Variants in FHIP2A observed in about 807,000 individuals in gnomAD.
FHIP2A encodes FHF complex subunit HOOK interacting protein 2A.
A neutral mutation model predicts 93.5 loss-of-function variants in FHIP2A; 46 were observed. The ratio of observed to expected loss-of-function variants is 0.49; its 90% CI spans 0.39 to 0.63. The LOEUF (loss-of-function observed/expected upper bound fraction) is 0.63. Ranked by LOEUF, FHIP2A falls within the 20% of genes least tolerant of loss-of-function variation. The probability of loss-of-function intolerance (pLI) is 0.00; values close to 1 mark genes in which losing one functional copy is unlikely to be tolerated. For missense variants in FHIP2A, 769 were observed against 909.7 expected (o/e 0.85, Z 1.99); for synonymous variants, 332 against 326.5 (o/e 1.02, Z -0.18).
At chr10:114,858,925 C>A (rs944095510) in intron 14 of FHIP2A, among the ~76,000 whole-genome samples, 33 of 152,016 alleles carry the variant, frequency 2.2e-4, no homozygotes, top group African/African-American at 7.5e-4. Flanking sequence ...CCCAGTTACC[C>A]TAATTTGGTC....
At chr10:114,831,760 G>A (rs1201730029) in intron 2 of FHIP2A, among the ~76,000 whole-genome samples, 9 of 152,098 alleles carry the variant, frequency 5.9e-5, no homozygotes, top group Admixed American at 5.2e-4. Flanking sequence ...TTTTATAGTT[G>A]TTGGTGACTG....
intron 16 of FHIP2A, among the ~76,000 whole-genome samples, chr10:114,886,745 A>C (rs1592034747): frequency 6.6e-6 from 1 of 151,850 alleles, no homozygotes; most frequent in African/African-American, 2.4e-5. Flanking sequence ...GGGTTTTGCC[A>C]TGTTGACCAG....
rs371845674 is a variant in FHIP2A at position 114,895,369 on chromosome 10, A to G, written c.2193-4121A>G. 2.0e-5 allele frequency among the ~76,000 whole-genome samples: 3 copies of G among 152,206 alleles called. No homozygotes were observed. In the East Asian group the frequency reaches 5.8e-4, roughly 29 times the overall value. ...ACCCTGGACTATGCCCGCTTGCTCT[A>G]CATTTTCTGCTGATTTTAGAAATCA... On this transcript the variant is annotated intron_variant, in intron 16 of 16. Transcript: ENST00000369250.
chr10:114,883,987 C>T (rs1018111245), intron 16 of FHIP2A, among the ~76,000 whole-genome samples: 1 of 152,120 alleles, frequency 6.6e-6, no homozygotes, highest in African/African-American at 2.4e-5. Context: ...AACAAATATC[C>T]ATCTGATTAC....
At chr10:114,885,732 A>G (rs934543345) in intron 16 of FHIP2A, among the ~76,000 whole-genome samples, 3 of 152,170 alleles carry the variant, frequency 2.0e-5, no homozygotes, top group African/African-American at 4.8e-5. Flanking sequence ...CATCTGCTGA[A>G]GCTCCTGCAG....
chr10:114,855,235 G>T lies in FHIP2A; in HGVS notation c.1842G>T (p.Trp614Cys), dbSNP rs2083759997. Residue 614 changes from tryptophan (W) to cysteine (C), a missense_variant, in exon 14 of 17, where the codon TGG (tryptophan) becomes TGT (cysteine). Physicochemically the swap from Trp to Cys is radical, Grantham distance 215 (BLOSUM62 -2). Coordinates refer to ENST00000369248, the MANE Select transcript of FHIP2A (RefSeq NM_020940.4). Reference protein sequence around the residue: ...DYCAICLRWEWPGSPKALEKC... With the variant: ...DYCAICLRWECPGSPKALEKC... ...GTGCTATCTGCTTAAGATGGGAGTG[G>T]CCTGGGTCTCCAAAAGCATTGGAAA... The T allele has an allele frequency of 3.7e-6, 6 of 1,613,976 alleles. No individual in the cohort carries two copies. The East Asian group carries it at 1.3e-4, about 36-fold the overall frequency.
chr10:114,874,720 T>A (rs1188004427), intron 16 of FHIP2A, among the ~76,000 whole-genome samples: 1 of 152,098 alleles, frequency 6.6e-6, no homozygotes, highest in South Asian at 2.1e-4. Flanking sequence ...GCCAGGCTGG[T>A]CTCGAACTCC....
chr10:114,838,039 TCACCAGATCATATGG>T (rs2083646224), intron 5 of FHIP2A, among the ~76,000 whole-genome samples: 1 of 152,198 alleles, frequency 6.6e-6, no homozygotes. Context: ...TAGGGTAGGA[TCACCAGATCATATGG>T]TAAGTGTGTA....
intron 16 of FHIP2A, among the ~76,000 whole-genome samples, chr10:114,888,898 C>A (rs1414071162): frequency 2.0e-5 from 3 of 152,170 alleles, no homozygotes; most frequent in Non-Finnish European, 4.4e-5. Context: ...CCACCGCGCC[C>A]TGCCAAAGGT....
chr10:114,836,649 G>A (rs2083638472), intron 5 of FHIP2A, among the ~76,000 whole-genome samples: 2 of 152,188 alleles, frequency 1.3e-5, no homozygotes, highest in Non-Finnish European at 2.9e-5. Context: ...AAAAAAGCAC[G>A]AGTTATCTCT....
intron 16 of FHIP2A, among the ~76,000 whole-genome samples, chr10:114,885,254 G>A (rs988534306): frequency 7.2e-5 from 11 of 151,962 alleles, no homozygotes; most frequent in African/African-American, 2.7e-4. Flanking sequence ...AATTAGCTGG[G>A]CGTGGTAGCA....
chr10:114,849,526 A>G (rs900076086), intron 13 of FHIP2A, among the ~76,000 whole-genome samples: 1 of 152,186 alleles, frequency 6.6e-6, no homozygotes, highest in Non-Finnish European at 1.5e-5. Context: ...GACTTTTCTC[A>G]TTCTTCTTTC....
intron 16 of FHIP2A, among the ~76,000 whole-genome samples, chr10:114,887,176 T>C (rs2083947458): frequency 6.6e-6 from 1 of 152,176 alleles, no homozygotes. Flanking sequence ...GATACTATTA[T>C]CCAGGTGCAC....
intron 16 of FHIP2A, among the ~76,000 whole-genome samples, chr10:114,869,810 TTTGACA>T (rs1222584684): frequency 6.6e-6 from 1 of 152,230 alleles, no homozygotes. Context: ...TTCTTTGGAA[TTTGACA>T]TTGAAATAAA....
At chr10:114,866,760 G>GA (rs2083831312), downstream of FHIP2A, among the ~76,000 whole-genome samples, 1 of 152,150 alleles carries the variant, frequency 6.6e-6, no homozygotes, top group African/African-American at 2.4e-5. Flanking sequence ...GAGCCCCAGG[G>GA]AAAGGAAGTA....
chr10:114,850,862 GAT>G (rs1350371787), intron 13 of FHIP2A, among the ~76,000 whole-genome samples: 1 of 152,018 alleles, frequency 6.6e-6, no homozygotes, highest in Non-Finnish European at 1.5e-5. Context: ...TCACTTTCTT[GAT>G]AGTGTCCTTC....
intron 16 of FHIP2A, among the ~76,000 whole-genome samples, chr10:114,885,151 T>G (rs1042989841): frequency 6.6e-6 from 1 of 151,774 alleles, no homozygotes; most frequent in Non-Finnish European, 1.5e-5. Flanking sequence ...TCCCAGCACT[T>G]TGGGAGGTCG....
intron 13 of FHIP2A, among the ~76,000 whole-genome samples, chr10:114,853,550 TTTTA>T (rs2083748713): frequency 6.6e-6 from 1 of 152,380 alleles, no homozygotes; most frequent in African/African-American, 2.4e-5. Context: ...CCGATTGGAT[TTTTA>T]AACTGCTTTT....
At chr10:114,880,606 G>C (rs1360010735) in intron 16 of FHIP2A, among the ~76,000 whole-genome samples, 1 of 151,794 alleles carries the variant, frequency 6.6e-6, no homozygotes, top group Non-Finnish European at 1.5e-5. Flanking sequence ...CTTGAACCTG[G>C]CAGATGGAGG....
Sources: gnomAD v4.1 joint callset for allele counts (sites outside exome capture counted in the v4.1 genomes callset) on GRCh38, gnomAD v4.1.1 for gene constraint, MANE v1.5 for transcripts, NCBI Gene and HGNC (gene_info 2026-07-23, HGNC 2026-07-21) for gene names.